The following SLIT1 variants were observed in gnomAD, a reference collection of about 807,000 sequenced individuals.
SLIT1 encodes the protein slit guidance ligand 1.
In SLIT1, 66 loss-of-function variants were observed where a neutral mutation model predicts 186.1. The observed-to-expected ratio is 0.35, with a 90% CI of 0.29 to 0.44. The LOEUF (loss-of-function observed/expected upper bound fraction) is 0.44, where lower values mean the gene tolerates loss of function less well. Ranked by LOEUF, SLIT1 falls within the 20% of genes least tolerant of loss-of-function variation. The probability of loss-of-function intolerance (pLI) is 1.00; values close to 1 mark genes in which losing one functional copy is unlikely to be tolerated. For synonymous variants in SLIT1, 761 were observed against 833.8 expected, an observed-to-expected ratio of 0.91 and a Z score of 1.50; for missense variants, 1,638 against 2,037.4, an observed-to-expected ratio of 0.80 and a Z score of 3.77.
intron 4 of SLIT1, among the ~76,000 whole-genome samples, chr10:97,113,639 G>A (rs1367084600): frequency 1.3e-5 from 2 of 151,260 alleles, no homozygotes; most frequent in African/African-American, 2.4e-5. Context: ...TGCAACCTCC[G>A]CCTCCTGGGT....
At chr10:97,064,352 G>A (rs370850082) in intron 6 of SLIT1, 113 bp from the exon 7 acceptor site, 3 of 832,088 alleles carry the variant, frequency 3.6e-6, no homozygotes, top group East Asian at 2.6e-5. Context: ...ACCAGCACGG[G>A]GCTGGACATG....
chr10:97,111,054 G>T (rs1849459685), intron 4 of SLIT1, among the ~76,000 whole-genome samples: 1 of 152,070 alleles, frequency 6.6e-6, no homozygotes, highest in Non-Finnish European at 1.5e-5. Flanking sequence ...GCCAGGCCTG[G>T]TGGCAGGCAC....
chr10:97,072,046 G>C (rs918726967), intron 4 of SLIT1, among the ~76,000 whole-genome samples: 1 of 152,232 alleles, frequency 6.6e-6, no homozygotes, highest in Non-Finnish European at 1.5e-5. Flanking sequence ...TGGTATGACT[G>C]GGGAGGAGCA....
At position 97,082,917 on chromosome 10, in the gene SLIT1, G is replaced by A. The variant is rs114537536; in HGVS notation, c.414-16831C>T. Reference sequence around the variant, plus strand: ...AAAAAAGAAAGTCTACTGTTTGTTTGTTTGTTGTTTATAGAGACAGGGTCT... The same window carrying A: ...AAAAAAGAAAGTCTACTGTTTGTTTATTTGTTGTTTATAGAGACAGGGTCT... On this transcript the variant is annotated intron_variant, in intron 4 of 36. Transcript: ENST00000266058. Among the ~76,000 whole-genome samples the A allele has an allele frequency of 3.6e-3, 552 of 151,872 alleles. 4 individuals are homozygous for A. The highest frequency in any genetic ancestry group is 0.013 in the African/African-American group (521 of 41,384).
At chr10:97,130,965 C>G (rs1254694377) in intron 4 of SLIT1, among the ~76,000 whole-genome samples, 5 of 152,122 alleles carry the variant, frequency 3.3e-5, no homozygotes. Context: ...CCACGGTTCC[C>G]TGAGTGGGCA....
chr10:97,091,064 A>G (rs1056152429), intron 4 of SLIT1, among the ~76,000 whole-genome samples: 6 of 152,258 alleles, frequency 3.9e-5, no homozygotes, highest in Admixed American at 6.5e-5. Context: ...CTGAGAAGAT[A>G]GCTACTCTGT....
intron 31 of SLIT1, among the ~76,000 whole-genome samples, chr10:97,008,330 G>T (rs2134589783): frequency 6.6e-6 from 1 of 152,146 alleles, no homozygotes; most frequent in East Asian, 1.9e-4. Context: ...AATGTTGAAA[G>T]AAATTAAAGA....
chr10:97,058,888 T>C (rs1431552830), intron 11 of SLIT1, among the ~76,000 whole-genome samples: 1 of 151,964 alleles, frequency 6.6e-6, no homozygotes, highest in East Asian at 1.9e-4. Context: ...GAGAGGGAGG[T>C]GCTTCACTAC....
intron 25 of SLIT1, among the ~76,000 whole-genome samples, chr10:97,030,143 T>C (rs1272636842): frequency 6.6e-6 from 1 of 152,228 alleles, no homozygotes; most frequent in African/African-American, 2.4e-5. Context: ...TTAGAGTGGA[T>C]TGCTGGGTTA....
In SLIT1 at chr10:97,109,300, T is replaced by C. The variant is rs562228799; in HGVS notation, c.414-43214A>G. Among the ~76,000 whole-genome samples, 10 of 152,182 alleles carry C rather than the reference T, an allele frequency of 6.6e-5. No individual in the cohort carries two copies. The South Asian group carries it at 1.0e-3, about 16-fold the overall frequency. ...CTGACACTTAGTAAGTCACAATAAA[T>C]ACAATGGATTTGTTTTTAGCGATAA... On this transcript the variant is annotated intron_variant, in intron 4 of 36. Transcript: ENST00000266058.
chr10:97,039,938 T>A lies in SLIT1; in HGVS notation c.2297+50A>T, dbSNP rs1214820982. On this transcript the variant is annotated intron_variant, in intron 21 of 36. Coordinates refer to ENST00000266058, the MANE Select transcript of SLIT1 (RefSeq NM_003061.3). ...AGCCCCTCAGGAAATGCCCCCACTG[T>A]CCCCGTCCTGTGGACCCACGTGAAG... The A allele has an allele frequency of 2.5e-6, 4 of 1,602,164 alleles. No individual in the cohort carries two copies. The East Asian group carries it at 9.0e-5, about 36-fold the overall frequency.
At chr10:97,170,781 A>C (rs1478256318) in intron 1 of SLIT1, among the ~76,000 whole-genome samples, 2 of 152,196 alleles carry the variant, frequency 1.3e-5, no homozygotes, top group African/African-American at 2.4e-5. Context: ...AAACAAAAAC[A>C]CACAAGGATG....
At chr10:97,140,095 C>T (rs1051403341) in intron 4 of SLIT1, among the ~76,000 whole-genome samples, 32 of 152,136 alleles carry the variant, frequency 2.1e-4, no homozygotes, top group African/African-American at 6.0e-4. Context: ...CTCACCCTGA[C>T]CATGTTCCTG....
rs2134584570 is a variant in SLIT1, at chr10:97,002,276, C to G, written c.4248G>C (p.Gly1416=). 6.2e-7 allele frequency: 1 copy of G among 1,608,974 alleles called. No individual in the cohort carries two copies. Among genetic ancestry groups the G allele is most frequent in the South Asian group, 1.1e-5 (1 of 90,168 alleles). ...GGCCTCTGCAGGGCTCTGCCAGGGCCCCGGCCTGGTTGCACAGTGCCCCCG... is the reference window on the plus strand; with the variant it reads ...GGCCTCTGCAGGGCTCTGCCAGGGCGCCGGCCTGGTTGCACAGTGCCCCCG... ...GYSGALCNQA[G]ALAEPCRGLQ... The change falls in exon 36 of 37, where the codon GGG becomes GGC. Residue 1416 remains glycine (G), a synonymous_variant. Coordinates refer to ENST00000266058, the MANE Select transcript of SLIT1 (RefSeq NM_003061.3).
At chr10:97,025,771 C>A (rs949433754) in intron 25 of SLIT1, among the ~76,000 whole-genome samples, 7 of 152,194 alleles carry the variant, frequency 4.6e-5, no homozygotes, top group African/African-American at 1.7e-4. Flanking sequence ...TTGATCTGTT[C>A]ATGCCAAGGC....
chr10:97,097,618 C>T (rs969711087), intron 4 of SLIT1, among the ~76,000 whole-genome samples: 4 of 152,156 alleles, frequency 2.6e-5, no homozygotes, highest in Admixed American at 6.5e-5. Flanking sequence ...CAAAAGCAAA[C>T]AATCTAAAAC....
chr10:97,131,957 C>T (rs1330824525), intron 4 of SLIT1, among the ~76,000 whole-genome samples: 1 of 152,200 alleles, frequency 6.6e-6, no homozygotes, highest in East Asian at 1.9e-4. Flanking sequence ...CAGCCCGGCC[C>T]CCAAGTCCAC....
chr10:97,126,106 T>C (rs1413774698), intron 4 of SLIT1, among the ~76,000 whole-genome samples: 1 of 152,232 alleles, frequency 6.6e-6, no homozygotes, highest in African/African-American at 2.4e-5. Flanking sequence ...AGAGACTTAT[T>C]TTCATTTTAT....
At chr10:97,044,518 T>A (rs1441273657) in intron 18 of SLIT1, among the ~76,000 whole-genome samples, 10 of 152,216 alleles carry the variant, frequency 6.6e-5, no homozygotes, top group African/African-American at 2.2e-4. Flanking sequence ...TAAAATGGTT[T>A]ATCAACATTC....
Sources: allele counts gnomAD v4.1 joint callset (sites outside exome capture counted in the v4.1 genomes callset), GRCh38; gene constraint gnomAD v4.1.1; transcripts MANE v1.5; gene names NCBI Gene and HGNC (gene_info 2026-07-23, HGNC 2026-07-21).